ODAD2: variants seen among roughly 807,000 people sequenced by gnomAD.
The protein encoded by ODAD2 is outer dynein arm docking complex subunit 2.
ODAD2 carries 89 observed loss-of-function variants against 106.8 expected under a neutral mutation model. The observed-to-expected ratio is 0.83, with a 90% CI of 0.70 to 0.99. The LOEUF (loss-of-function observed/expected upper bound fraction) is 0.99. Among genes scored for constraint, ODAD2 ranks in the 50% least tolerant of loss-of-function variants. The probability of loss-of-function intolerance (pLI) is 0.00; values close to 1 mark genes in which losing one functional copy is unlikely to be tolerated. For synonymous variants in ODAD2, 404 were observed against 436.2 expected (o/e 0.93, Z 0.92); for missense variants, 1,168 against 1,238.5 (o/e 0.94, Z 0.85).
At chr10:27,969,883 A>T (rs1244096076) in intron 8 of ODAD2, among the ~76,000 whole-genome samples, 1 of 152,126 alleles carries the variant, frequency 6.6e-6, no homozygotes, top group Non-Finnish European at 1.5e-5. Flanking sequence ...AAGTGGGCGG[A>T]TTACTTGAGC....
intron 10 of ODAD2, among the ~76,000 whole-genome samples, chr10:27,947,451 T>G (rs1847014780): frequency 6.6e-6 from 1 of 152,080 alleles, no homozygotes; most frequent in African/African-American, 2.4e-5. Context: ...GGCAACAGAG[T>G]GAGACCCTGT....
At chr10:27,865,863 T>C (rs1840402358) in intron 17 of ODAD2, among the ~76,000 whole-genome samples, 1 of 152,226 alleles carries the variant, frequency 6.6e-6, no homozygotes, top group Non-Finnish European at 1.5e-5. Flanking sequence ...CTGTAACACG[T>C]TGCCTTACCT....
At chr10:27,932,500 C>T (rs1845684640) in intron 16 of ODAD2, among the ~76,000 whole-genome samples, 1 of 152,144 alleles carries the variant, frequency 6.6e-6, no homozygotes, top group Non-Finnish European at 1.5e-5. Flanking sequence ...GTGATATAGT[C>T]TATCGAGTGA....
chr10:27,880,852 T>G (rs1300821606), intron 17 of ODAD2, among the ~76,000 whole-genome samples: 2 of 152,176 alleles, frequency 1.3e-5, no homozygotes, highest in Non-Finnish European at 2.9e-5. Flanking sequence ...ATAGATCAAG[T>G]CACCCAAGTT....
chr10:27,814,238 C>T (rs1434139258), intron 19 of ODAD2, among the ~76,000 whole-genome samples: 1 of 152,160 alleles, frequency 6.6e-6, no homozygotes, highest in Non-Finnish European at 1.5e-5. Flanking sequence ...AGCTATCACC[C>T]AGGAAGAGGA....
intron 16 of ODAD2, among the ~76,000 whole-genome samples, chr10:27,926,658 A>G (rs1011539494): frequency 2.6e-5 from 4 of 152,320 alleles, no homozygotes; most frequent in South Asian, 2.1e-4. Context: ...CATAAGTCCA[A>G]TGCTATTTCA....
intron 17 of ODAD2, among the ~76,000 whole-genome samples, chr10:27,907,219 T>A (rs143554548): frequency 6.6e-6 from 1 of 152,166 alleles, no homozygotes. Flanking sequence ...GTGAGAGTCA[T>A]TGAAATCATG....
chr10:27,955,895 G>T (rs1237074602), intron 10 of ODAD2, among the ~76,000 whole-genome samples: 1 of 152,094 alleles, frequency 6.6e-6, no homozygotes, highest in Non-Finnish European at 1.5e-5. Flanking sequence ...AGTCCCTTCT[G>T]AAGCTGGCAG....
At chr10:27,987,253 T>C (rs1344182942) in intron 3 of ODAD2, 133 bp downstream of exon 3, 9 of 726,346 alleles carry the variant, frequency 1.2e-5, no homozygotes, top group Non-Finnish European at 1.9e-5. Context: ...AAGTTGTACA[T>C]TTGACTTTTT....
chr10:27,954,539 T>C (rs542567930), intron 10 of ODAD2, among the ~76,000 whole-genome samples: 1 of 152,236 alleles, frequency 6.6e-6, no homozygotes, highest in South Asian at 2.1e-4. Context: ...GAGTTGAAGC[T>C]TAAGGGAACT....
chr10:27,939,839 A>T, intron 14 of ODAD2, 58 bp downstream of exon 14: 1 of 1,014,192 alleles, frequency 9.9e-7, no homozygotes, highest in Non-Finnish European at 1.4e-6. Flanking sequence ...ATGGTTAGAA[A>T]ACTACCTTAA....
chr10:27,987,984 C>T (rs1346338294), intron 2 of ODAD2, among the ~76,000 whole-genome samples: 1 of 150,130 alleles, frequency 6.7e-6, no homozygotes, highest in African/African-American at 2.5e-5. Context: ...TTCTTGGCTA[C>T]ACTGTGTTTA....
At chr10:27,955,369 AG>A (rs1409014569) in intron 10 of ODAD2, among the ~76,000 whole-genome samples, 1 of 152,166 alleles carries the variant, frequency 6.6e-6, no homozygotes, top group Non-Finnish European at 1.5e-5. Flanking sequence ...AGAGAAAGAC[AG>A]GAAGATACAA....
chr10:27,855,309 C>T (rs952080882), intron 19 of ODAD2, among the ~76,000 whole-genome samples: 15 of 152,200 alleles, frequency 9.9e-5, no homozygotes, highest in African/African-American at 3.4e-4. Flanking sequence ...TCATGAACTT[C>T]TTTCTCACTT....
chr10:27,913,684 A>T (rs1844166878), intron 16 of ODAD2, among the ~76,000 whole-genome samples: 1 of 152,208 alleles, frequency 6.6e-6, no homozygotes, highest in African/African-American at 2.4e-5. Context: ...ACATGAACAG[A>T]TACTTCTCAA....
intron 16 of ODAD2, among the ~76,000 whole-genome samples, chr10:27,921,886 G>T (rs1277710334): frequency 6.6e-6 from 1 of 150,380 alleles, no homozygotes; most frequent in African/African-American, 2.4e-5. Context: ...AGAACTTTAG[G>T]CCGGGCGCCT....
intron 19 of ODAD2, among the ~76,000 whole-genome samples, chr10:27,848,229 G>A (rs553481586): frequency 1.3e-5 from 2 of 152,266 alleles, no homozygotes; most frequent in South Asian, 4.1e-4. Context: ...CAGAGATATA[G>A]ACAAATGAAA....
At chr10:27,992,941 G>A (rs1850316363) in intron 2 of ODAD2, among the ~76,000 whole-genome samples, 1 of 151,970 alleles carries the variant, frequency 6.6e-6, no homozygotes, top group Admixed American at 6.6e-5. Context: ...TTTTTGAGAT[G>A]GAGTTTCTCT....
intron 17 of ODAD2, among the ~76,000 whole-genome samples, chr10:27,868,558 A>T (rs1840621575): frequency 6.6e-6 from 1 of 152,200 alleles, no homozygotes; most frequent in Non-Finnish European, 1.5e-5. Context: ...GTAAGCCATC[A>T]TCCTCAGCGA....
Sources: gnomAD v4.1 joint callset for allele counts (sites outside exome capture counted in the v4.1 genomes callset) on GRCh38, gnomAD v4.1.1 for gene constraint, MANE v1.5 for transcripts, NCBI Gene and HGNC (gene_info 2026-07-23, HGNC 2026-07-21) for gene names.